The following GRID2 variants were observed in gnomAD, a reference collection of about 807,000 sequenced individuals.
GRID2 encodes the protein glutamate receptor ionotropic, delta-2.
GRID2 carries 33 observed loss-of-function variants against 114.8 expected under a neutral mutation model. The observed-to-expected ratio is 0.29, with a 90% CI of 0.22 to 0.38. The LOEUF (loss-of-function observed/expected upper bound fraction) is 0.38. GRID2 is among the 10% of genes least tolerant of loss of function. The pLI, the probability that GRID2 is intolerant of heterozygous loss-of-function variation, is 1.00. For missense variants in GRID2, 1,184 were observed against 1,257.7 expected, an observed-to-expected ratio of 0.94 and a Z score of 0.89; for synonymous variants, 505 against 449.9, an observed-to-expected ratio of 1.12 and a Z score of -1.55.
At chr4:93,078,330 CAT>C (rs1290302458) in intron 2 of GRID2, among the ~76,000 whole-genome samples, 1 of 152,086 alleles carries the variant, frequency 6.6e-6, no homozygotes, top group African/African-American at 2.4e-5. Context: ...TTTGGGCTAT[CAT>C]AGAATAACGT....
At chr4:93,690,021 A>T (rs80012990) in intron 14 of GRID2, among the ~76,000 whole-genome samples, 6,259 of 152,146 alleles carry the variant, frequency 0.041, 197 homozygotes, top group African/African-American at 0.081. Flanking sequence ...TATTAATAGG[A>T]GTGTATACAT....
chr4:92,581,891 A>C (rs1327133960), intron 1 of GRID2, among the ~76,000 whole-genome samples: 2 of 151,952 alleles, frequency 1.3e-5, no homozygotes, highest in Non-Finnish European at 2.9e-5. Context: ...TTCTCCTTCC[A>C]CTCATACCTT....
intron 8 of GRID2, among the ~76,000 whole-genome samples, chr4:93,390,457 TCA>T (rs1764742683): frequency 1.3e-5 from 2 of 152,168 alleles, no homozygotes; most frequent in African/African-American, 4.8e-5. Flanking sequence ...ATATTTTAAA[TCA>T]GTTAGTGGTC....
At chr4:93,448,300 T>C (rs1257679298) in intron 10 of GRID2, among the ~76,000 whole-genome samples, 1 of 151,828 alleles carries the variant, frequency 6.6e-6, no homozygotes, top group Non-Finnish European at 1.5e-5. Context: ...TTAAAAACTA[T>C]AATAAAAGTG....
chr4:93,476,121 C>T (rs1175461199), intron 11 of GRID2, among the ~76,000 whole-genome samples: 1 of 152,092 alleles, frequency 6.6e-6, no homozygotes, highest in Non-Finnish European at 1.5e-5. Flanking sequence ...AAGAATCATA[C>T]TATATTCCTT....
chr4:92,794,905 T>TATATATATATACAC (rs745392261), intron 2 of GRID2, among the ~76,000 whole-genome samples: 10 of 127,806 alleles, frequency 7.8e-5, no homozygotes, highest in African/African-American at 2.8e-4. Context: ...TATATATATA[T>TATATATATATACAC]ACACACACAC....
chr4:92,432,230 T>C (rs1035641057), intron 1 of GRID2, among the ~76,000 whole-genome samples: 3 of 152,076 alleles, frequency 2.0e-5, no homozygotes, highest in African/African-American at 7.2e-5. Flanking sequence ...CTAAGGCCCA[T>C]GGCGACCACT....
At chr4:92,662,979 T>C (rs1056594225) in intron 2 of GRID2, among the ~76,000 whole-genome samples, 1 of 150,274 alleles carries the variant, frequency 6.7e-6, no homozygotes, top group African/African-American at 2.4e-5. Flanking sequence ...TGCTAGAGAA[T>C]GATACTGTGC....
chr4:92,954,485 G>A (rs1752247592), intron 2 of GRID2, among the ~76,000 whole-genome samples: 1 of 151,886 alleles, frequency 6.6e-6, no homozygotes, highest in Admixed American at 6.6e-5. Context: ...GGAGTGCAGT[G>A]GAGCGATCTC....
At position 93,098,320 on chromosome 4, in the gene GRID2, G is replaced by A. The variant is rs182412204; in HGVS notation, c.530-12428G>A. ...TTCAACCAAATGCCTTCCAAGAGGA[G>A]GCATTGTCAAACAGGTGGATTATGG... On this transcript the variant is annotated intron_variant, in intron 3 of 15. Coordinates refer to ENST00000282020, the MANE Select transcript of GRID2 (RefSeq NM_001510.4). 3.9e-5 allele frequency among the ~76,000 whole-genome samples: 6 copies of A among 152,052 alleles called. No individual in the cohort carries two copies. In the Admixed American group the frequency reaches 3.9e-4, roughly 10 times the overall value.
chr4:93,053,706 C>T (rs184282451), intron 2 of GRID2, among the ~76,000 whole-genome samples: 265 of 151,930 alleles, frequency 1.7e-3, no homozygotes, highest in Middle Eastern at 0.01. Flanking sequence ...CCTCAAATAA[C>T]GAAATGCCAG....
At chr4:93,020,440 A>G (rs904472708) in intron 2 of GRID2, among the ~76,000 whole-genome samples, 7 of 152,188 alleles carry the variant, frequency 4.6e-5, no homozygotes, top group Non-Finnish European at 1.0e-4. Flanking sequence ...TCACTAGATT[A>G]TTAAAAGTTC....
intron 2 of GRID2, among the ~76,000 whole-genome samples, chr4:92,897,157 T>C (rs1560678890): frequency 6.6e-6 from 1 of 152,140 alleles, no homozygotes; most frequent in Non-Finnish European, 1.5e-5. Context: ...TCTTCAGAGA[T>C]TATTACTGGT....
At chr4:92,366,160 A>G (rs558259878) in intron 1 of GRID2, among the ~76,000 whole-genome samples, 6 of 152,110 alleles carry the variant, frequency 3.9e-5, no homozygotes, top group Non-Finnish European at 7.4e-5. Context: ...TTTTTTGTAG[A>G]TGAAGAAACA....
chr4:92,658,701 A>G (rs370017984), intron 2 of GRID2, among the ~76,000 whole-genome samples: 18 of 151,588 alleles, frequency 1.2e-4, no homozygotes, highest in African/African-American at 4.3e-4. Flanking sequence ...CCTCAAAGCA[A>G]AAAGAATGCT....
At chr4:92,935,884 G>T (rs1367442781) in intron 2 of GRID2, among the ~76,000 whole-genome samples, 2 of 141,380 alleles carry the variant, frequency 1.4e-5, no homozygotes, top group Non-Finnish European at 3.1e-5. Flanking sequence ...GGGGACTGTT[G>T]TGGGGTGGGG....
intron 2 of GRID2, among the ~76,000 whole-genome samples, chr4:92,694,056 G>GA (rs1734313911): frequency 6.6e-6 from 1 of 152,108 alleles, no homozygotes; most frequent in Non-Finnish European, 1.5e-5. Flanking sequence ...TGAAGGGGAT[G>GA]AAAGAATACA....
At chr4:92,852,820 T>G (rs772829995) in intron 2 of GRID2, among the ~76,000 whole-genome samples, 6 of 151,976 alleles carry the variant, frequency 3.9e-5, no homozygotes, top group Non-Finnish European at 8.8e-5. Flanking sequence ...TTTCTTCTGC[T>G]AGGAACTTTC....
chr4:92,411,597 T>C lies in GRID2; in HGVS notation c.88+106853T>C, dbSNP rs1339819972. Among the ~76,000 whole-genome samples, 5 of 146,784 alleles carry C rather than the reference T, an allele frequency of 3.4e-5. No individual in the cohort carries two copies. In the East Asian group the frequency reaches 9.8e-4, roughly 29 times the overall value. The stretch of plus-strand genomic sequence containing the variant: ...TCTGTATCAAGACATAAAGAATAAA[T>C]TTGTGCATTATATATAGATATATAT... On this transcript the variant is annotated intron_variant, in intron 1 of 15. Coordinates refer to ENST00000282020, the MANE Select transcript of GRID2 (RefSeq NM_001510.4).
Sources: gnomAD v4.1 joint callset for allele counts (sites outside exome capture counted in the v4.1 genomes callset) on GRCh38, gnomAD v4.1.1 for gene constraint, MANE v1.5 for transcripts, NCBI Gene and HGNC (gene_info 2026-07-23, HGNC 2026-07-21) for gene names.